The following TTC7B variants were observed in gnomAD, a reference collection of about 807,000 sequenced individuals.
TTC7B encodes tetratricopeptide repeat domain 7B.
In TTC7B, 28 loss-of-function variants were observed where a neutral mutation model predicts 106.8. That is an observed-to-expected ratio of 0.26 (90% CI 0.19 to 0.36). TTC7B has a LOEUF of 0.36. Ranked by LOEUF, TTC7B falls within the 10% of genes least tolerant of loss-of-function variation. The pLI is 1.00. For synonymous variants in TTC7B, 405 were observed against 430.6 expected (o/e 0.94, Z 0.74); for missense variants, 862 against 1,076.4 (o/e 0.80, Z 2.79).
chr14:90,735,166 T>G (rs1014195422), intron 4 of TTC7B, among the ~76,000 whole-genome samples: 1 of 152,182 alleles, frequency 6.6e-6, no homozygotes, highest in Non-Finnish European at 1.5e-5. Flanking sequence ...ATTGTGCAAG[T>G]GAATTAAAAC....
chr14:90,716,341 T>C (rs370160790), intron 5 of TTC7B, among the ~76,000 whole-genome samples: 7 of 152,176 alleles, frequency 4.6e-5, no homozygotes, highest in African/African-American at 1.7e-4. Context: ...TATTAGAGAA[T>C]GGGGGATTCT....
intron 19 of TTC7B, among the ~76,000 whole-genome samples, chr14:90,568,084 C>T (rs1890874413): frequency 6.6e-6 from 1 of 152,168 alleles, no homozygotes; most frequent in Non-Finnish European, 1.5e-5. Context: ...AAGCAGCAGG[C>T]CCAGTTGGCA....
intron 19 of TTC7B, among the ~76,000 whole-genome samples, chr14:90,568,228 G>C (rs1294321610): frequency 6.6e-6 from 1 of 152,140 alleles, no homozygotes; most frequent in Non-Finnish European, 1.5e-5. Flanking sequence ...AGTAAGGAGC[G>C]GGAATCGGGA....
intron 19 of TTC7B, among the ~76,000 whole-genome samples, chr14:90,572,885 A>G (rs1595169497): frequency 6.6e-6 from 1 of 151,750 alleles, no homozygotes; most frequent in East Asian, 1.9e-4. Context: ...CACACCTAAG[A>G]CCCCTCCAGA....
rs1047997236 is a variant in TTC7B at position 90,799,671 on chromosome 14, A to G, written c.122-13343T>C. On this transcript the variant is annotated intron_variant, in intron 1 of 19. Transcript: ENST00000328459. ...CTGGTGTGTTCCAGGAACAGCAGGAAAGCCCGTGTGGCTGGGTGGAGGGAA... is the reference window on the plus strand; with the variant it reads ...CTGGTGTGTTCCAGGAACAGCAGGAGAGCCCGTGTGGCTGGGTGGAGGGAA... Among the ~76,000 whole-genome samples, 2 of 152,126 alleles carry G rather than the reference A, an allele frequency of 1.3e-5. 1 individual carries two copies. Among genetic ancestry groups the G allele is most frequent in the Non-Finnish European group, 2.9e-5 (2 of 68,000 alleles).
chr14:90,615,915 C>G (rs1441198476), intron 16 of TTC7B, among the ~76,000 whole-genome samples: 1 of 152,162 alleles, frequency 6.6e-6, no homozygotes, highest in African/African-American at 2.4e-5. Flanking sequence ...CCAGTCCCCA[C>G]CAGACACTGC....
At chr14:90,728,337 C>CCCAAA (rs1889192579) in intron 5 of TTC7B, among the ~76,000 whole-genome samples, 1 of 40,036 alleles carries the variant, frequency 2.5e-5, no homozygotes, top group Non-Finnish European at 4.2e-5. Flanking sequence ...GTCCCCCCCG[C>CCCAAA]AAAAAAAAAA....
rs1357482353 is a variant in TTC7B, at chr14:90,541,509, G to T, written c.2391C>A (p.Ala797=). The change falls in exon 20 of 20, where the codon GCC becomes GCA. Residue 797 remains alanine (A), a synonymous_variant. Transcript: ENST00000328459. ...CGCCCAGCCCGTTCCAGACCTCGTG[G>T]GCTGTCGAGTTCACCTGCACCGCGT... ...LRDAVQVNST[A]HEVWNGLGEV... The T allele has an allele frequency of 6.2e-7, 1 of 1,614,058 alleles. No homozygotes were observed. The highest frequency in any genetic ancestry group is 8.5e-7 in the Non-Finnish European group (1 of 1,179,972).
Position 90,526,425 on chromosome 14 carries a change from C to T in TTC7B, c.*14943G>A, listed in dbSNP as rs566495685. ...CCATTTACCCTTCACTCAATTTCCC[C>T]TAATATAACCTTTATGTTACCTGGC... On this transcript the variant is annotated 3_prime_UTR_variant, in exon 20 of 20. Coordinates refer to ENST00000328459, the MANE Select transcript of TTC7B (RefSeq NM_001010854.2). 58 of 152,348 alleles carry T rather than the reference C, an allele frequency of 3.8e-4. No individual in the cohort carries two copies. The highest frequency in any genetic ancestry group is 1.1e-3 in the African/African-American group (47 of 41,572). 9.4% of individuals were successfully genotyped at this position (152,348 alleles called of 1,614,324 possible).
intron 5 of TTC7B, among the ~76,000 whole-genome samples, chr14:90,703,505 G>C (rs1182600063): frequency 6.6e-6 from 1 of 152,118 alleles, no homozygotes; most frequent in Non-Finnish European, 1.5e-5. Flanking sequence ...CAGGAGAACT[G>C]CATTTCCAAC....
chr14:90,565,985 A>AGG (rs890492614), intron 19 of TTC7B, among the ~76,000 whole-genome samples: 2 of 152,324 alleles, frequency 1.3e-5, no homozygotes, highest in African/African-American at 4.8e-5. Context: ...TAATAATAAA[A>AGG]GAATTTTAAA....
chr14:90,776,521 A>C (rs2140031533), intron 3 of TTC7B, among the ~76,000 whole-genome samples: 1 of 152,010 alleles, frequency 6.6e-6, no homozygotes, highest in Middle Eastern at 3.4e-3. Context: ...AATATCATTG[A>C]CTCTTCCCAG....
At chr14:90,543,824 C>T (rs545859643) in intron 19 of TTC7B, among the ~76,000 whole-genome samples, 4 of 152,212 alleles carry the variant, frequency 2.6e-5, no homozygotes, top group Non-Finnish European at 5.9e-5. Flanking sequence ...ATGTCACTCA[C>T]GAGGCAACCC....
rs549927639 is a variant in TTC7B at position 90,780,729 on chromosome 14, G to A, written c.445+9C>T. ...CACGGGACACTGTGTTAGAAGGCACGGGCCTCACCTTTGGTAGCGTAGGCT... is the reference window on the plus strand; with the variant it reads ...CACGGGACACTGTGTTAGAAGGCACAGGCCTCACCTTTGGTAGCGTAGGCT... On this transcript the variant is annotated intron_variant, in intron 3 of 19. Coordinates refer to ENST00000328459, the MANE Select transcript of TTC7B (RefSeq NM_001010854.2). 9.9e-6 allele frequency: 16 copies of A among 1,613,126 alleles called. No homozygotes were observed. In the East Asian group the frequency reaches 1.6e-4, roughly 16 times the overall value.
Position 90,663,012 on chromosome 14 carries a change from T to G in TTC7B, c.1153-4625A>C, listed in dbSNP as rs1337065632. ...GACCCTTGAGAAGAGGGCACAACTT[T>G]ACAGAACTGGACCGGAATGTACGCT... On this transcript the variant is annotated intron_variant, in intron 9 of 19. Transcript: ENST00000328459. The surrounding 1 kb of genome is among the most constrained non-coding windows in gnomAD (Gnocchi z 4.5). Among the ~76,000 whole-genome samples the G allele has an allele frequency of 1.3e-5, 2 of 152,236 alleles. No individual in the cohort carries two copies. The highest frequency in any genetic ancestry group is 4.8e-5 in the African/African-American group (2 of 41,460).
In TTC7B at chr14:90,542,808, G is replaced by T. The variant is rs1889664535; in HGVS notation, c.2311-1219C>A. 2.0e-5 allele frequency among the ~76,000 whole-genome samples: 3 copies of T among 152,166 alleles called. No individual in the cohort carries two copies. The South Asian group carries it at 6.2e-4, about 32-fold the overall frequency. On this transcript the variant is annotated intron_variant, in intron 19 of 19. Transcript: ENST00000328459. ...TTAGTGGCCCTGGGGGAGGATCAGT[G>T]GAACGGCCTTGACAACTATTTGGAC...
rs752690141 is a variant in TTC7B at position 90,695,487 on chromosome 14, T to C, written c.777+13A>G. 4.5e-6 allele frequency: 7 copies of C among 1,572,344 alleles called. No individual in the cohort carries two copies. The highest frequency in any genetic ancestry group is 6.0e-6 in the Non-Finnish European group (7 of 1,158,392). On this transcript the variant is annotated intron_variant, in intron 6 of 19. Coordinates refer to ENST00000328459, the MANE Select transcript of TTC7B (RefSeq NM_001010854.2). ...GCCCTGCTGGCCTCAATCAAGTCAC[T>C]GTTCACACTTACCATTCGCAGGTTT...
intron 19 of TTC7B, among the ~76,000 whole-genome samples, chr14:90,557,041 A>C (rs895845482): frequency 3.3e-5 from 5 of 152,066 alleles, no homozygotes; most frequent in Non-Finnish European, 7.4e-5. Flanking sequence ...CTGCACGGGG[A>C]GGCTTCCTGG....
At chr14:90,574,673 G>A (rs901034497) in intron 19 of TTC7B, among the ~76,000 whole-genome samples, 2 of 152,212 alleles carry the variant, frequency 1.3e-5, no homozygotes, top group African/African-American at 2.4e-5. Flanking sequence ...CCTGCAAGCT[G>A]CTGATCTGGC....
Sources: allele counts gnomAD v4.1 joint callset (sites outside exome capture counted in the v4.1 genomes callset), GRCh38; gene constraint gnomAD v4.1.1; non-coding constraint Gnocchi (gnomAD v3.1); transcripts MANE v1.5; gene names NCBI Gene and HGNC (gene_info 2026-07-23, HGNC 2026-07-21).